PPIP5K2: variants seen among roughly 807,000 people sequenced by gnomAD.
The protein encoded by PPIP5K2 is diphosphoinositol pentakisphosphate kinase 2.
Under a neutral mutation model 154.6 loss-of-function variants are expected in PPIP5K2, and 105 were observed. The observed-to-expected ratio is 0.68, with a 90% CI of 0.58 to 0.80. The LOEUF (loss-of-function observed/expected upper bound fraction) is 0.80. PPIP5K2 is among the 30% of genes least tolerant of loss of function. The pLI is 0.00. For missense variants in PPIP5K2, 992 were observed against 1,504.6 expected, an observed-to-expected ratio of 0.66 and a Z score of 5.64; for synonymous variants, 480 against 490.3, an observed-to-expected ratio of 0.98 and a Z score of 0.28.
chr5:103,131,766 C>T (rs1461446877), intron 2 of PPIP5K2, among the ~76,000 whole-genome samples: 1 of 152,022 alleles, frequency 6.6e-6, no homozygotes, highest in Non-Finnish European at 1.5e-5. Flanking sequence ...GACATTCAAC[C>T]TAACAAAATA....
At chr5:103,189,365 G>T (rs1800874306) in intron 28 of PPIP5K2, 2 of 561,280 alleles carry the variant, frequency 3.6e-6, no homozygotes, top group Non-Finnish European at 3.0e-6. Flanking sequence ...TAATTATATT[G>T]TCATTTGCCT....
intron 2 of PPIP5K2, among the ~76,000 whole-genome samples, chr5:103,132,304 G>A (rs1790758412): frequency 6.6e-6 from 1 of 152,176 alleles, no homozygotes; most frequent in South Asian, 2.1e-4. Flanking sequence ...CACTTTGGGA[G>A]GCCGAAGCAG....
In PPIP5K2 at chr5:103,167,218, C is replaced by G; in HGVS notation, c.1960C>G (p.His654Asp). 6.3e-7 allele frequency: 1 copy of G among 1,589,590 alleles called. No individual in the cohort carries two copies. The highest frequency in any genetic ancestry group is 8.6e-7 in the Non-Finnish European group (1 of 1,166,648). ...SGSISLIKSM[H>D]LIKNPVKTCD... ...AAGCATTTCTCTTATCAAATCAATG[C>G]ATTTAATTAAAAACCCTGTGAAGAC... is the stretch of plus-strand genomic sequence containing the variant. Residue 654 changes from histidine (H) to aspartate (D), a missense_variant, in exon 18 of 31, where the codon CAT (histidine) becomes GAT (aspartate). This residue lies in a region of PPIP5K2 where 82 missense variants were observed against 91.8 expected (regional missense o/e 0.89). Transcript: ENST00000358359.
chr5:103,141,632 CAG>C (rs2149509962), intron 5 of PPIP5K2, among the ~76,000 whole-genome samples: 1 of 152,264 alleles, frequency 6.6e-6, no homozygotes, highest in East Asian at 1.9e-4. Flanking sequence ...TAGTTAGATA[CAG>C]AGTTTCGACA....
chr5:103,153,669 T>C (rs1794976952), intron 10 of PPIP5K2, among the ~76,000 whole-genome samples, 179 bp from the exon 11 acceptor site: 1 of 151,940 alleles, frequency 6.6e-6, no homozygotes, highest in Admixed American at 6.5e-5. Context: ...CTTAAGTTCT[T>C]TTTGAATTTT....
chr5:103,164,581 C>T (rs1796850708), intron 17 of PPIP5K2, among the ~76,000 whole-genome samples: 1 of 152,004 alleles, frequency 6.6e-6, no homozygotes, highest in Non-Finnish European at 1.5e-5. Context: ...GAGAAACAGC[C>T]TTAAATTCTA....
chr5:103,153,472 A>G (rs1186383028), intron 10 of PPIP5K2, among the ~76,000 whole-genome samples: 2 of 151,896 alleles, frequency 1.3e-5, no homozygotes, highest in African/African-American at 2.4e-5. Context: ...AGCAACCATC[A>G]TGTAAAGTTT....
intron 13 of PPIP5K2, 126 bp downstream of exon 13, chr5:103,155,069 C>A: frequency 2.1e-6 from 1 of 486,972 alleles, no homozygotes; most frequent in Non-Finnish European, 3.4e-6. Flanking sequence ...ATAGTTGAGA[C>A]ATGAAGGAAA....
intron 9 of PPIP5K2, 41 bp downstream of exon 9, chr5:103,151,415 G>T: frequency 6.8e-7 from 1 of 1,471,886 alleles, no homozygotes; most frequent in South Asian, 1.2e-5. Context: ...TCATATACTA[G>T]TTATTCAGAA....
chr5:103,184,429 CTT>C (rs1800035671), intron 25 of PPIP5K2: 1 of 352,562 alleles, frequency 2.8e-6, no homozygotes, highest in African/African-American at 2.1e-5. Context: ...TTTCATCTGT[CTT>C]GTTTCATACA....
At chr5:103,149,879 TAG>T (rs1176362573) in intron 8 of PPIP5K2, among the ~76,000 whole-genome samples, 1 of 152,010 alleles carries the variant, frequency 6.6e-6, no homozygotes, top group East Asian at 1.9e-4. Flanking sequence ...GTATTTTTAG[TAG>T]AGAGGGGGTT....
chr5:103,133,386 A>T, intron 2 of PPIP5K2, 67 bp from the exon 3 acceptor site: 1 of 1,356,614 alleles, frequency 7.4e-7, no homozygotes. Context: ...TGGAAAACAA[A>T]TGAAGATAGC....
chr5:103,199,434 A>T (rs1480660716), intron 30 of PPIP5K2, among the ~76,000 whole-genome samples: 2 of 151,960 alleles, frequency 1.3e-5, no homozygotes, highest in Non-Finnish European at 2.9e-5. Flanking sequence ...TGGGTAGAAA[A>T]TTTTTTATTT....
At chr5:103,129,179 T>C (rs1283383521) in intron 1 of PPIP5K2, 127 bp from the exon 2 acceptor site, 4 of 152,434 alleles carry the variant, frequency 2.6e-5, no homozygotes, top group African/African-American at 9.6e-5. Flanking sequence ...TGGGAGAAAA[T>C]GTATTTTCAT....
chr5:103,152,979 TA>T (rs1794866739), intron 10 of PPIP5K2, among the ~76,000 whole-genome samples: 1 of 151,768 alleles, frequency 6.6e-6, no homozygotes. Flanking sequence ...AATCAAGCCA[TA>T]AAAATAAAAA....
chr5:103,208,842 A>C lies in PPIP5K2; in HGVS notation c.*7208A>C, dbSNP rs1291030419. 2.0e-5 allele frequency: 3 copies of C among 152,124 alleles called. No individual in the cohort carries two copies. The highest frequency in any genetic ancestry group is 7.2e-5 in the African/African-American group (3 of 41,430). 9.4% of individuals were successfully genotyped at this position (152,124 alleles called of 1,614,324 possible). A position where few individuals can be genotyped will look rare whatever the true frequency, so the allele number is the denominator to read the frequency against. Reference sequence around the variant, plus strand: ...TATCTCCTATTTTGGGGTTGAGGTTAAAGTGTCTTCTAGTTTTGTTGAAGA... The same window carrying C: ...TATCTCCTATTTTGGGGTTGAGGTTCAAGTGTCTTCTAGTTTTGTTGAAGA... On this transcript the variant is annotated 3_prime_UTR_variant, in exon 31 of 31. Coordinates refer to ENST00000358359, the MANE Select transcript of PPIP5K2 (RefSeq NM_001276277.3).
intron 13 of PPIP5K2, among the ~76,000 whole-genome samples, chr5:103,155,206 A>G (rs1302349493): frequency 1.3e-5 from 2 of 152,024 alleles, no homozygotes; most frequent in Non-Finnish European, 2.9e-5. Context: ...TGAAGGCCAC[A>G]TTGCTAACTT....
rs1554218478 is a variant in PPIP5K2, at chr5:103,168,071, G to T, written c.2063-1G>T. 1 of 1,582,170 alleles carries T rather than the reference G, an allele frequency of 6.3e-7. No individual in the cohort carries two copies. Among genetic ancestry groups the T allele is most frequent in the Non-Finnish European group, 8.6e-7 (1 of 1,159,608 alleles). ...AAACTAAAAATGTTATGTTGTTTTA[G>T]ATATTCAGCTTTACCATAGTGAAAC... On this transcript the variant is annotated splice_acceptor_variant, in intron 18 of 30. Coordinates refer to ENST00000358359, the MANE Select transcript of PPIP5K2 (RefSeq NM_001276277.3). LOFTEE classifies it high-confidence loss of function.
intron 8 of PPIP5K2, 113 bp from the exon 9 acceptor site, chr5:103,151,139 AT>A (rs1794590234): frequency 2.5e-6 from 2 of 787,366 alleles, no homozygotes; most frequent in Admixed American, 3.3e-5. Flanking sequence ...AAACCACTAT[AT>A]AGTAATATAC....
Sources: gnomAD v4.1 joint callset for allele counts (sites outside exome capture counted in the v4.1 genomes callset) on GRCh38, gnomAD v4.1.1 for gene constraint, gnomAD v4.1.1 regional missense constraint, MANE v1.5 for transcripts, NCBI Gene and HGNC (gene_info 2026-07-23, HGNC 2026-07-21) for gene names.